The following SPAG9 variants were observed in gnomAD, a reference collection of about 807,000 sequenced individuals.
SPAG9 encodes the protein C-Jun-amino-terminal kinase-interacting protein 4.
A neutral mutation model predicts 166.5 loss-of-function variants in SPAG9; 35 were observed. That is an observed-to-expected ratio of 0.21 (90% CI 0.16 to 0.28). SPAG9 has a LOEUF of 0.28. Among genes scored for constraint, SPAG9 ranks in the 10% least tolerant of loss-of-function variants. SPAG9 has a pLI of 1.00. For missense variants in SPAG9, 1,235 were observed against 1,603.3 expected, an observed-to-expected ratio of 0.77 and a Z score of 3.92; for synonymous variants, 534 against 565.5, an observed-to-expected ratio of 0.94 and a Z score of 0.79.
intron 8 of SPAG9, among the ~76,000 whole-genome samples, chr17:51,017,800 A>C (rs1472370217): frequency 6.6e-6 from 1 of 152,140 alleles, no homozygotes; most frequent in Non-Finnish European, 1.5e-5. Context: ...CAACCATCTG[A>C]GGTATTAACA....
At chr17:51,095,169 C>A (rs1010603614) in intron 1 of SPAG9, among the ~76,000 whole-genome samples, 2 of 151,738 alleles carry the variant, frequency 1.3e-5, no homozygotes, top group African/African-American at 4.8e-5. Context: ...TGGTGGCGGG[C>A]ACCTGTAGTC....
In SPAG9 at chr17:51,120,746, C is replaced by T; in HGVS notation, c.-90G>A. On this transcript the variant is annotated 5_prime_UTR_variant, in exon 1 of 30. Transcript: ENST00000262013. The surrounding 1 kb of genome is among the most constrained non-coding windows in gnomAD (Gnocchi z 4.7). ...GGGACGGACCCGACTCGGGCTGGGA[C>T]GGGTACTAGGGCTGGAGCCCGGGCC... 8.2e-7 allele frequency: 1 copy of T among 1,220,154 alleles called. No individual in the cohort carries two copies. Among genetic ancestry groups the T allele is most frequent in the Non-Finnish European group, 1.1e-6 (1 of 891,564 alleles). The allele number at this position is 1,220,154 out of a possible 1,614,324, so 75.6% of individuals were successfully genotyped here. A position where few individuals can be genotyped will look rare whatever the true frequency, so the allele number is the denominator to read the frequency against.
chr17:51,022,122 CAA>C (rs747116014), intron 6 of SPAG9, among the ~76,000 whole-genome samples: 7 of 48,452 alleles, frequency 1.4e-4, no homozygotes, highest in East Asian at 1.1e-3. Flanking sequence ...GACTCCATCT[CAA>C]AAAAAAAAAA....
chr17:50,977,810 G>C (rs1204517427), intron 26 of SPAG9, among the ~76,000 whole-genome samples: 2 of 152,168 alleles, frequency 1.3e-5, no homozygotes, highest in East Asian at 3.9e-4. Context: ...CTTGAGCGCA[G>C]GAGTTTGAGG....
intron 1 of SPAG9, among the ~76,000 whole-genome samples, chr17:51,089,290 G>C (rs1011068762): frequency 2.7e-5 from 4 of 149,478 alleles, no homozygotes; most frequent in Non-Finnish European, 3.0e-5. Flanking sequence ...TGAGCCTGGT[G>C]GTGGGCACCT....
At chr17:51,043,026 G>T (rs1409666434) in intron 4 of SPAG9, among the ~76,000 whole-genome samples, 1 of 152,128 alleles carries the variant, frequency 6.6e-6, no homozygotes, top group African/African-American at 2.4e-5. Flanking sequence ...AAGTAGCTGG[G>T]ATTACAGGCA....
chr17:51,054,312 G>A (rs1006087477), intron 3 of SPAG9, among the ~76,000 whole-genome samples: 15 of 151,296 alleles, frequency 9.9e-5, no homozygotes, highest in Admixed American at 2.6e-4. Context: ...TGGTAGAGTC[G>A]GGGTTTCACC....
chr17:51,032,097 C>T (rs191477011), intron 5 of SPAG9, among the ~76,000 whole-genome samples: 2 of 152,328 alleles, frequency 1.3e-5, no homozygotes, highest in Admixed American at 1.3e-4. Flanking sequence ...TATCACACCT[C>T]CTTCTATCAT....
intron 4 of SPAG9, chr17:51,046,955 A>C: frequency 7.1e-7 from 1 of 1,415,260 alleles, no homozygotes; most frequent in East Asian, 3.0e-5. Flanking sequence ...ATTGGCTACA[A>C]TGCCTGAAGA....
chr17:51,091,129 C>G (rs1489395139), intron 1 of SPAG9, among the ~76,000 whole-genome samples: 1 of 151,548 alleles, frequency 6.6e-6, no homozygotes, highest in African/African-American at 2.4e-5. Flanking sequence ...GAAAATTAGC[C>G]TGGTGTAGTG....
chr17:51,037,683 A>AGTGTGTGTGTGTG (rs1365192065), intron 5 of SPAG9, among the ~76,000 whole-genome samples: 1 of 101,886 alleles, frequency 9.8e-6, no homozygotes, highest in Non-Finnish European at 2.2e-5. Context: ...ATATATATAT[A>AGTGTGTGTGTGTG]TAGTGTGTGT....
intron 2 of SPAG9, among the ~76,000 whole-genome samples, chr17:51,073,026 C>A (rs958421199): frequency 6.6e-6 from 1 of 151,888 alleles, no homozygotes; most frequent in African/African-American, 2.4e-5. Context: ...CCTGGCTCTA[C>A]AAAAAATACA....
At chr17:50,986,598 A>G (rs1975067862) in intron 22 of SPAG9, among the ~76,000 whole-genome samples, 1 of 152,232 alleles carries the variant, frequency 6.6e-6, no homozygotes, top group Non-Finnish European at 1.5e-5. Flanking sequence ...TAAATGCACA[A>G]TTTTGTAAAA....
In SPAG9 at chr17:51,005,274, A is replaced by AAAAAC. The variant is rs759718573; in HGVS notation, c.1425-16_1425-12dup. 2.5e-6 allele frequency: 4 copies of AAAAAC among 1,613,246 alleles called. No homozygotes were observed. The highest frequency in any genetic ancestry group is 1.1e-5 in the South Asian group (1 of 90,990). ...GCTTCTGCCCGAGCTCTAGTGGGGAAAAAACAAAACAAAACATGTTATTTG... is the reference window on the plus strand; with the variant it reads ...GCTTCTGCCCGAGCTCTAGTGGGGAAAAAACAAAACAAAACAAAACATGTTATTTG... On this transcript the variant is annotated splice_polypyrimidine_tract_variant and intron_variant, in intron 11 of 29. Transcript: ENST00000262013.
At chr17:51,065,611 CTAA>C (rs1215869319) in intron 2 of SPAG9, among the ~76,000 whole-genome samples, 1 of 152,182 alleles carries the variant, frequency 6.6e-6, no homozygotes, top group Non-Finnish European at 1.5e-5. Flanking sequence ...AAATAACATA[CTAA>C]TGGCCCCCAC....
intron 5 of SPAG9, among the ~76,000 whole-genome samples, chr17:51,036,410 T>A (rs971944426): frequency 6.6e-5 from 10 of 152,180 alleles, no homozygotes; most frequent in African/African-American, 2.4e-4. Flanking sequence ...TGCTGACATC[T>A]TCTTCCATTC....
In SPAG9 at chr17:50,970,778, G is replaced by A; in HGVS notation, c.3779C>T (p.Pro1260Leu). 2 of 1,614,110 alleles carry A rather than the reference G, an allele frequency of 1.2e-6. No homozygotes were observed. The highest frequency in any genetic ancestry group is 1.7e-6 in the Non-Finnish European group (2 of 1,179,998). ...GDKAGPSAQE[P>L]GSQTPLKSML... ...AGACTTCAAGGGCGTCTGACTACCA[G>A]GCTCCTGTGCAGATGGCCCTGCTTT... The change falls in exon 29 of 30, where the codon CCT becomes CTT. Residue 1260 changes from proline to leucine, a missense_variant. Physicochemically the swap from Pro to Leu is moderately conservative, Grantham distance 98. This residue lies in a region of SPAG9 where 243 missense variants were observed against 358.6 expected (regional missense o/e 0.68). Coordinates refer to ENST00000262013, the MANE Select transcript of SPAG9 (RefSeq NM_001130528.3).
At chr17:51,038,911 T>G (rs1329023112) in intron 5 of SPAG9, among the ~76,000 whole-genome samples, 1 of 152,238 alleles carries the variant, frequency 6.6e-6, no homozygotes, top group Non-Finnish European at 1.5e-5. Context: ...TTTAAGAACT[T>G]GTACATTTTT....
intron 24 of SPAG9, among the ~76,000 whole-genome samples, 179 bp downstream of exon 24, chr17:50,984,744 C>T (rs1597910475): frequency 6.6e-6 from 1 of 152,298 alleles, no homozygotes; most frequent in East Asian, 1.9e-4. Flanking sequence ...CACATTTTCC[C>T]TAAGGTATCT....
Sources: gnomAD v4.1 joint callset for allele counts (sites outside exome capture counted in the v4.1 genomes callset) on GRCh38, gnomAD v4.1.1 for gene constraint, gnomAD v4.1.1 regional missense constraint, Gnocchi (gnomAD v3.1) non-coding constraint, MANE v1.5 for transcripts, NCBI Gene and HGNC (gene_info 2026-07-23, HGNC 2026-07-21) for gene names.